The following THRA variants were observed in gnomAD, a reference collection of about 807,000 sequenced individuals.
THRA encodes the protein EAR-7.
A neutral mutation model predicts 45.0 loss-of-function variants in THRA; 13 were observed. The observed-to-expected ratio is 0.29, with a 90% CI of 0.19 to 0.46. The LOEUF is 0.46. THRA is among the 20% of genes least tolerant of loss of function. The pLI is 1.00. For missense variants in THRA, 278 were observed against 556.1 expected (o/e 0.50, Z 5.03); for synonymous variants, 195 against 214.0 (o/e 0.91, Z 0.78).
chr17:40,068,565 A>G (rs1986654880), intron 1 of THRA, among the ~76,000 whole-genome samples: 2 of 152,226 alleles, frequency 1.3e-5, no homozygotes, highest in African/African-American at 4.8e-5. Context: ...GAGGGTCAGA[A>G]GTTTGCTGGG....
chr17:40,065,346 C>G (rs1393847249), intron 1 of THRA, among the ~76,000 whole-genome samples: 2 of 152,118 alleles, frequency 1.3e-5, no homozygotes, highest in African/African-American at 4.8e-5. Context: ...CCCACCTGTA[C>G]CCTCCTGTCC....
chr17:40,092,947 G>C lies in THRA; in HGVS notation c.*3491G>C. On this transcript the variant is annotated 3_prime_UTR_variant, in exon 9 of 9. Transcript: ENST00000450525. ...ATTTACAAGAAGGCTCAGGGGGCCA[G>C]AGGCTCATCTTGGAATATTTTATAA... The C allele has an allele frequency of 1.3e-6, 2 of 1,546,610 alleles. No individual in the cohort carries two copies. Among genetic ancestry groups the C allele is most frequent in the Non-Finnish European group, 1.7e-6 (2 of 1,145,280 alleles).
At chr17:40,069,975 C>T (rs1288111676) in intron 1 of THRA, among the ~76,000 whole-genome samples, 2 of 150,382 alleles carry the variant, frequency 1.3e-5, no homozygotes, top group Admixed American at 1.3e-4. Flanking sequence ...CTGTTTATGT[C>T]TTTCTGTCTC....
chr17:40,066,571 G>A (rs1342503930), intron 1 of THRA, among the ~76,000 whole-genome samples: 1 of 151,496 alleles, frequency 6.6e-6, no homozygotes, highest in Non-Finnish European at 1.5e-5. Flanking sequence ...GGCTGAGGCA[G>A]GAGAATCGCT....
intron 4 of THRA, among the ~76,000 whole-genome samples, chr17:40,083,128 C>T (rs1336272898): frequency 5.3e-5 from 8 of 151,894 alleles, no homozygotes; most frequent in Admixed American, 3.3e-4. Flanking sequence ...AGGGTTTCAC[C>T]GTGTTAGCCA....
chr17:40,066,151 G>C (rs958240001), intron 1 of THRA, among the ~76,000 whole-genome samples: 10 of 152,218 alleles, frequency 6.6e-5, no homozygotes, highest in Admixed American at 3.3e-4. Flanking sequence ...CGTGAGTGCA[G>C]GTTCCAGCCT....
chr17:40,083,029 G>A (rs1340902786), intron 4 of THRA, among the ~76,000 whole-genome samples: 1 of 151,166 alleles, frequency 6.6e-6, no homozygotes, highest in Non-Finnish European at 1.5e-5. Flanking sequence ...CTGGGTTCAC[G>A]CCATTCTCCT....
At chr17:40,086,993 G>GACACAC (rs146605509) in intron 7 of THRA, 140 bp downstream of exon 7, 124,647 of 1,046,028 alleles carry the variant, frequency 0.12, 8,156 homozygotes, top group East Asian at 0.46. Flanking sequence ...AACATACACA[G>GACACAC]ACACACACAC....
Position 40,090,113 on chromosome 17 carries a change from A to G in THRA, c.*657A>G. On this transcript the variant is annotated 3_prime_UTR_variant, in exon 9 of 9. Coordinates refer to ENST00000450525, the MANE Select transcript of THRA (RefSeq NM_199334.5). ...TATTAACTGAGGCTGACCAGAGGGG[A>G]GGACCCCCCCTTTACCACCCCATGC... The G allele has an allele frequency of 1.2e-6, 1 of 866,932 alleles. No homozygotes were observed. Among genetic ancestry groups the G allele is most frequent in the Non-Finnish European group, 1.4e-6 (1 of 721,814 alleles). The allele number at this position is 866,932 out of a possible 1,614,324, so 53.7% of individuals were successfully genotyped here.
At chr17:40,064,458 CTCAG>C (rs764212037) in intron 1 of THRA, among the ~76,000 whole-genome samples, 43 of 151,700 alleles carry the variant, frequency 2.8e-4, no homozygotes, top group African/African-American at 6.8e-4. Flanking sequence ...GTCGCTGTCA[CTCAG>C]TCAGATGCAA....
chr17:40,072,425 T>A (rs900308978), intron 1 of THRA, among the ~76,000 whole-genome samples: 4 of 152,126 alleles, frequency 2.6e-5, no homozygotes, highest in African/African-American at 9.7e-5. Context: ...CGCTTGGGCC[T>A]CCGGCTGGCG....
chr17:40,066,211 C>G (rs1467803008), intron 1 of THRA, among the ~76,000 whole-genome samples: 2 of 152,144 alleles, frequency 1.3e-5, no homozygotes, highest in East Asian at 3.9e-4. Context: ...GGAACTCAGG[C>G]AGGAGACATC....
At chr17:40,093,251 C>T, downstream of THRA, 5 of 1,613,748 alleles carry the variant, frequency 3.1e-6, no homozygotes, top group Non-Finnish European at 4.2e-6. This position sits in a 1 kb window ranked among gnomAD's most constrained non-coding sequence, Gnocchi z 5.9. Context: ...GGAGCTGCTC[C>T]ACCGAAGCGG....
chr17:40,084,995 G>A (rs1567654227), intron 6 of THRA, among the ~76,000 whole-genome samples, 180 bp downstream of exon 6: 1 of 152,196 alleles, frequency 6.6e-6, no homozygotes, highest in Non-Finnish European at 1.5e-5. Context: ...TGTCTGGACT[G>A]TCTACTCCAT....
At position 40,088,382 on chromosome 17, in the gene THRA, G is replaced by A; in HGVS notation, c.864G>A (p.Lys288=). 4 of 1,614,172 alleles carry A rather than the reference G, an allele frequency of 2.5e-6. No individual in the cohort carries two copies. The highest frequency in any genetic ancestry group is 3.4e-6 in the Non-Finnish European group (4 of 1,180,016). Residue 288 remains lysine (K), a synonymous_variant, in exon 8 of 9, where the codon AAG becomes AAA. Transcript: ENST00000450525. ...GEMAVKREQL[K]NGGLGVVSDA... The stretch of plus-strand genomic sequence containing the variant: ...TGGCTGTCAAGCGGGAGCAGCTCAA[G>A]AATGGCGGCCTGGGCGTAGTCTCCG...
chr17:40,063,417 G>GCCGGCCGCCGGAGCTCCC (rs1986433274), intron 1 of THRA, among the ~76,000 whole-genome samples: 1 of 152,140 alleles, frequency 6.6e-6, no homozygotes, highest in Non-Finnish European at 1.5e-5. Context: ...GGGCCCCGTT[G>GCCGGCCGCCGGAGCTCCC]CCGGCCGCCG....
At chr17:40,067,270 A>G (rs2145041900) in intron 1 of THRA, among the ~76,000 whole-genome samples, 1 of 152,276 alleles carries the variant, frequency 6.6e-6, no homozygotes, top group East Asian at 1.9e-4. Context: ...AGCTAGGGGC[A>G]CCTGCATAAA....
Position 40,089,077 on chromosome 17 carries a change from C to T in THRA, c.983-129C>T. 1 of 870,320 alleles carries T rather than the reference C, an allele frequency of 1.1e-6. No individual in the cohort carries two copies. Among genetic ancestry groups the T allele is most frequent in the Non-Finnish European group, 1.8e-6 (1 of 569,088 alleles). 53.9% of individuals were successfully genotyped at this position (870,320 alleles called of 1,614,324 possible). On this transcript the variant is annotated intron_variant, in intron 8 of 8. Coordinates refer to ENST00000450525, the MANE Select transcript of THRA (RefSeq NM_199334.5). This position sits in a 1 kb window ranked among gnomAD's most constrained non-coding sequence, Gnocchi z 6.1. ...ACGTCTCTCAGGGGGAGCTTCTCCC[C>T]TCCCCTCCCCCAGCCTCTCTGCCTC...
chr17:40,093,694 C>A, downstream of THRA: 10 of 634,474 alleles, frequency 1.6e-5, no homozygotes, highest in South Asian at 2.0e-4. This position sits in a 1 kb window ranked among gnomAD's most constrained non-coding sequence, Gnocchi z 5.9. Flanking sequence ...AAATAGTTGT[C>A]TGTGCTTCCT....
Sources: gnomAD v4.1 joint callset for allele counts (sites outside exome capture counted in the v4.1 genomes callset) on GRCh38, gnomAD v4.1.1 for gene constraint, Gnocchi (gnomAD v3.1) non-coding constraint, MANE v1.5 for transcripts, NCBI Gene and HGNC (gene_info 2026-07-23, HGNC 2026-07-21) for gene names.